EPB41L4B: variants seen among roughly 807,000 people sequenced by gnomAD.
EPB41L4B encodes erythrocyte membrane protein band 4.1 like 4B.
Under a neutral mutation model 112.5 loss-of-function variants are expected in EPB41L4B, and 30 were observed. The ratio of observed to expected loss-of-function variants is 0.27; its 90% CI spans 0.20 to 0.36. The LOEUF is 0.36. Among genes scored for constraint, EPB41L4B ranks in the 10% least tolerant of loss-of-function variants. The pLI is 1.00. For synonymous variants in EPB41L4B, 408 were observed against 439.7 expected (o/e 0.93, Z 0.90); for missense variants, 1,024 against 1,133.3 (o/e 0.90, Z 1.38).
At chr9:109,238,021 A>C (rs1262234038) in intron 15 of EPB41L4B, among the ~76,000 whole-genome samples, 1 of 152,098 alleles carries the variant, frequency 6.6e-6, no homozygotes, top group Non-Finnish European at 1.5e-5. Flanking sequence ...TGGTGGGATG[A>C]AGGGTGAGAG....
At chr9:109,266,023 T>C (rs998986695) in intron 4 of EPB41L4B, among the ~76,000 whole-genome samples, 2 of 152,230 alleles carry the variant, frequency 1.3e-5, no homozygotes, top group Non-Finnish European at 2.9e-5. Context: ...TTCCAGAATG[T>C]TCCTGCTTCC....
At chr9:109,277,024 T>C (rs1342291934) in intron 2 of EPB41L4B, among the ~76,000 whole-genome samples, 1 of 152,168 alleles carries the variant, frequency 6.6e-6, no homozygotes, top group Non-Finnish European at 1.5e-5. Flanking sequence ...CAAGGCAGCC[T>C]ATCTAAAGCC....
Position 109,318,900 on chromosome 9 carries a change from G to T in EPB41L4B, c.306+1241C>A, listed in dbSNP as rs149991631. Among the ~76,000 whole-genome samples the T allele has an allele frequency of 7.9e-5, 12 of 152,296 alleles. 1 individual carries two copies. The East Asian group carries it at 1.7e-3, about 22-fold the overall frequency. ...CGAAATTCAGCCTACACCGGGAAGC[G>T]TTAAACTCCAAGCCAGGCAGGCTCT... is the stretch of plus-strand genomic sequence containing the variant. On this transcript the variant is annotated intron_variant, in intron 1 of 25. Transcript: ENST00000374566.
At chr9:109,265,542 C>T (rs1375532613) in intron 4 of EPB41L4B, among the ~76,000 whole-genome samples, 2 of 31,578 alleles carry the variant, frequency 6.3e-5, no homozygotes, top group Admixed American at 9.3e-4. Context: ...AAAACAGGCA[C>T]AGCACACAAA....
In EPB41L4B at chr9:109,231,856, C is replaced by T. The variant is rs78484555; in HGVS notation, c.1409+11762G>A. ...CATGTGTGTGCAGTCCAGAGAATTA[C>T]TATTTCATGAGTTGATTTTTGCTCA... On this transcript the variant is annotated intron_variant, in intron 15 of 25. Coordinates refer to ENST00000374566, the MANE Select transcript of EPB41L4B (RefSeq NM_019114.5). Among the ~76,000 whole-genome samples, 386 of 152,208 alleles carry T rather than the reference C, an allele frequency of 2.5e-3. 10 individuals are homozygous for T. The South Asian group carries it at 0.043, about 17-fold the overall frequency.
intron 14 of EPB41L4B, among the ~76,000 whole-genome samples, chr9:109,244,219 A>G (rs1834457669): frequency 6.6e-6 from 1 of 152,098 alleles, no homozygotes; most frequent in African/African-American, 2.4e-5. Context: ...AATAAAAATA[A>G]TCTTCTAAAA....
At chr9:109,252,612 C>T (rs1003498953) in intron 12 of EPB41L4B, among the ~76,000 whole-genome samples, 3 of 152,122 alleles carry the variant, frequency 2.0e-5, no homozygotes, top group Non-Finnish European at 4.4e-5. Context: ...GTACCAAGTC[C>T]CATGGAGGCC....
chr9:109,268,892 G>A (rs1402516637), intron 2 of EPB41L4B, among the ~76,000 whole-genome samples: 4 of 38,774 alleles, frequency 1.0e-4, no homozygotes, highest in Non-Finnish European at 1.5e-4. Flanking sequence ...GCGAAACTCC[G>A]TCTCAAAAAA....
chr9:109,178,467 C>T (rs1243757028), intron 24 of EPB41L4B, among the ~76,000 whole-genome samples: 1 of 151,918 alleles, frequency 6.6e-6, no homozygotes, highest in Non-Finnish European at 1.5e-5. Context: ...CCTCTGCCTC[C>T]CAGGTTCAAG....
At chr9:109,187,121 C>A (rs140031282) in intron 22 of EPB41L4B, among the ~76,000 whole-genome samples, 1 of 152,124 alleles carries the variant, frequency 6.6e-6, no homozygotes, top group African/African-American at 2.4e-5. Context: ...AGGGAGGGAC[C>A]ATTTGCTCCA....
At chr9:109,291,564 A>C (rs1836532511) in intron 1 of EPB41L4B, among the ~76,000 whole-genome samples, 1 of 152,220 alleles carries the variant, frequency 6.6e-6, no homozygotes, top group Non-Finnish European at 1.5e-5. Flanking sequence ...AATTCTGGTA[A>C]AACAGAGCAC....
At position 109,174,450 on chromosome 9, in the gene EPB41L4B, C is replaced by G. The variant is rs770533099; in HGVS notation, c.*104G>C. 1 of 1,144,868 alleles carries G rather than the reference C, an allele frequency of 8.7e-7. No homozygotes were observed. Among genetic ancestry groups the G allele is most frequent in the Non-Finnish European group, 1.3e-6 (1 of 760,576 alleles). 70.9% of individuals were successfully genotyped at this position (1,144,868 alleles called of 1,614,324 possible). A position where few individuals can be genotyped will look rare whatever the true frequency, so the allele number is the denominator to read the frequency against. On this transcript the variant is annotated 3_prime_UTR_variant, in exon 26 of 26. Coordinates refer to ENST00000374566, the MANE Select transcript of EPB41L4B (RefSeq NM_019114.5). ...AACTAACCATGGAGACCTGGGCGAA[C>G]AGAGCACACACTTGTATGCTGTGCT...
chr9:109,217,433 G>T (rs1833416867), intron 15 of EPB41L4B, among the ~76,000 whole-genome samples: 1 of 152,108 alleles, frequency 6.6e-6, no homozygotes, highest in African/African-American at 2.4e-5. Flanking sequence ...TAAATGAGAG[G>T]AAGAGGTAAA....
At chr9:109,200,772 T>C (rs1031272287) in intron 19 of EPB41L4B, among the ~76,000 whole-genome samples, 3 of 148,070 alleles carry the variant, frequency 2.0e-5, no homozygotes, top group Non-Finnish European at 4.5e-5. Flanking sequence ...ACAGACTATA[T>C]TTTTTTTTTA....
chr9:109,241,629 T>C (rs374257125), intron 15 of EPB41L4B: 7 of 1,612,556 alleles, frequency 4.3e-6, no homozygotes, highest in Admixed American at 1.7e-5. Context: ...AATGAAACTA[T>C]GAAGGTGAAT....
chr9:109,197,628 G>T (rs565009301), intron 20 of EPB41L4B, among the ~76,000 whole-genome samples: 6 of 152,028 alleles, frequency 3.9e-5, no homozygotes, highest in African/African-American at 1.4e-4. Flanking sequence ...CACATGTAAA[G>T]TTCAAGGTTT....
At chr9:109,319,451 G>C (rs966095675) in intron 1 of EPB41L4B, among the ~76,000 whole-genome samples, 1 of 152,314 alleles carries the variant, frequency 6.6e-6, no homozygotes, top group Admixed American at 6.5e-5. Context: ...GGGCTCTGCC[G>C]GTGCAAGGCA....
chr9:109,294,127 AAAC>A (rs2119191443), intron 1 of EPB41L4B, among the ~76,000 whole-genome samples: 1 of 152,070 alleles, frequency 6.6e-6, no homozygotes, highest in Admixed American at 6.5e-5. Context: ...TAACACAGTG[AAAC>A]CCCATTTCTA....
At chr9:109,185,736 C>A in intron 22 of EPB41L4B, 131 bp from the exon 23 acceptor site, 1 of 627,154 alleles carries the variant, frequency 1.6e-6, no homozygotes, top group Admixed American at 3.5e-5. Context: ...CCAGACTGTT[C>A]TCAAGCCAGC....
Sources: gnomAD v4.1 joint callset for allele counts (sites outside exome capture counted in the v4.1 genomes callset) on GRCh38, gnomAD v4.1.1 for gene constraint, MANE v1.5 for transcripts, NCBI Gene and HGNC (gene_info 2026-07-23, HGNC 2026-07-21) for gene names.